The following SLC35F4 variants were observed in gnomAD, a reference collection of about 807,000 sequenced individuals.
SLC35F4 encodes solute carrier family 35 member F4.
Under a neutral mutation model 44.2 loss-of-function variants are expected in SLC35F4, and 24 were observed. That is an observed-to-expected ratio of 0.54 (90% confidence interval 0.39 to 0.76). The LOEUF is 0.76. Ranked by LOEUF, SLC35F4 falls within the 30% of genes least tolerant of loss-of-function variation. SLC35F4 has a pLI of 0.00. For synonymous variants in SLC35F4, 238 were observed against 223.6 expected, an observed-to-expected ratio of 1.06 and a Z score of -0.57; for missense variants, 562 against 586.1, an observed-to-expected ratio of 0.96 and a Z score of 0.42.
chr14:57,957,756 G>C (rs1363983815), intron 1 of SLC35F4, among the ~76,000 whole-genome samples: 1 of 152,122 alleles, frequency 6.6e-6, no homozygotes, highest in Non-Finnish European at 1.5e-5. Context: ...TACCAATTCT[G>C]GCACCCATTA....
chr14:57,752,191 G>T (rs141529599), intron 1 of SLC35F4, among the ~76,000 whole-genome samples: 8 of 152,148 alleles, frequency 5.3e-5, no homozygotes, highest in Non-Finnish European at 1.0e-4. Flanking sequence ...GTTTCTAAGA[G>T]AATTTCTTAC....
intron 1 of SLC35F4, among the ~76,000 whole-genome samples, chr14:57,844,945 C>A (rs545487858): frequency 6.6e-6 from 1 of 152,148 alleles, no homozygotes; most frequent in South Asian, 2.1e-4. Flanking sequence ...TCCCCCACCC[C>A]CCCATGCACA....
chr14:57,564,077 G>A lies in SLC35F4; in HGVS notation c.*58C>T, dbSNP rs558467070. 1.9e-5 allele frequency: 30 copies of A among 1,591,198 alleles called. No individual in the cohort carries two copies. Among genetic ancestry groups the A allele is most frequent in the Non-Finnish European group, 2.2e-5 (26 of 1,165,824 alleles). ...TGTCGTTTGAGTGTACAGGTAGTGA[G>A]AAAATTTTGTTATATTCACAGAATA... On this transcript the variant is annotated 3_prime_UTR_variant, in exon 8 of 8. Transcript: ENST00000556826.
At chr14:57,584,497 C>G (rs965953694) in intron 3 of SLC35F4, among the ~76,000 whole-genome samples, 1 of 152,050 alleles carries the variant, frequency 6.6e-6, no homozygotes, top group African/African-American at 2.4e-5. Flanking sequence ...AAAAAAAGAT[C>G]GAGAATCTAA....
chr14:57,862,587 T>C (rs766706304), intron 1 of SLC35F4, among the ~76,000 whole-genome samples: 6 of 152,224 alleles, frequency 3.9e-5, no homozygotes, highest in Non-Finnish European at 5.9e-5. Flanking sequence ...TCCAGCATGC[T>C]AGTTGTACTC....
chr14:57,595,787 C>A (rs1040037475), intron 1 of SLC35F4: 3 of 152,170 alleles, frequency 2.0e-5, no homozygotes, highest in Non-Finnish European at 4.4e-5. Context: ...CTTTCTGGCA[C>A]TGCAAGATGC....
chr14:57,781,806 C>T (rs987269592), intron 1 of SLC35F4, among the ~76,000 whole-genome samples: 1 of 152,100 alleles, frequency 6.6e-6, no homozygotes, highest in African/African-American at 2.4e-5. Context: ...CAAACTGATG[C>T]AGGAACAGAA....
chr14:57,883,984 T>C (rs1270425567), intron 1 of SLC35F4, among the ~76,000 whole-genome samples: 29 of 152,290 alleles, frequency 1.9e-4, no homozygotes, highest in Non-Finnish European at 7.4e-5. Flanking sequence ...AAAGGAAACG[T>C]TTCCAGCTAA....
At chr14:57,599,816 A>C (rs2070709255) in intron 1 of SLC35F4, among the ~76,000 whole-genome samples, 1 of 151,608 alleles carries the variant, frequency 6.6e-6, no homozygotes, top group African/African-American at 2.4e-5. Flanking sequence ...AAAAAAAAAA[A>C]AAACAACACC....
chr14:57,720,709 G>C (rs1238542764), intron 1 of SLC35F4, among the ~76,000 whole-genome samples: 1 of 152,002 alleles, frequency 6.6e-6, no homozygotes, highest in Non-Finnish European at 1.5e-5. Flanking sequence ...GAGTCAGTAG[G>C]CTGGGAAAGA....
At chr14:57,812,977 G>A (rs1233823750) in intron 1 of SLC35F4, among the ~76,000 whole-genome samples, 1 of 152,218 alleles carries the variant, frequency 6.6e-6, no homozygotes, top group Non-Finnish European at 1.5e-5. Flanking sequence ...TGTGCCAGAA[G>A]CTGTTCTAAA....
At position 57,721,896 on chromosome 14, in the gene SLC35F4, CT is replaced by C. The variant is rs959098952; in HGVS notation, c.104-127773del. Among the ~76,000 whole-genome samples the C allele has an allele frequency of 2.0e-4, 30 of 152,238 alleles. No individual in the cohort carries two copies. The Middle Eastern group carries it at 0.02, about 104-fold the overall frequency. On this transcript the variant is annotated intron_variant, in intron 1 of 7. Transcript: ENST00000556826. Reference sequence around the variant, plus strand: ...CCTGAGGCAACAGTGATGGCCCCCCCTGAGGCAGTTGCCAGGCAAGATAATG... The same window carrying C: ...CCTGAGGCAACAGTGATGGCCCCCCCGAGGCAGTTGCCAGGCAAGATAATG...
In SLC35F4 at chr14:57,688,387, T is replaced by C. The variant is rs564465197; in HGVS notation, c.104-94263A>G. On this transcript the variant is annotated intron_variant, in intron 1 of 7. Coordinates refer to ENST00000556826, the MANE Select transcript of SLC35F4 (RefSeq NM_001306087.2). The stretch of plus-strand genomic sequence containing the variant: ...ACCTTGGAAAAACAACTCAAATTGT[T>C]GCATGGCAGAATGGATGTTATCTTT... Among the ~76,000 whole-genome samples the C allele has an allele frequency of 2.0e-5, 3 of 152,338 alleles. No individual in the cohort carries two copies. In the East Asian group the frequency reaches 5.8e-4, roughly 29 times the overall value.
intron 1 of SLC35F4, among the ~76,000 whole-genome samples, chr14:57,914,769 G>C (rs957124318): frequency 3.3e-5 from 5 of 152,176 alleles, no homozygotes; most frequent in Non-Finnish European, 7.3e-5. Context: ...TTAGGGGTTA[G>C]GCCCTCAAGG....
intron 1 of SLC35F4, among the ~76,000 whole-genome samples, chr14:57,939,010 CT>C: frequency 6.6e-6 from 1 of 151,984 alleles, no homozygotes; most frequent in Middle Eastern, 3.4e-3. Flanking sequence ...AATTTCTTTC[CT>C]CCCCTGGAGG....
At chr14:57,830,705 A>T (rs1884277149) in intron 1 of SLC35F4, among the ~76,000 whole-genome samples, 1 of 152,172 alleles carries the variant, frequency 6.6e-6, no homozygotes, top group Non-Finnish European at 1.5e-5. Flanking sequence ...TATATGCCTG[A>T]TATATTCTGT....
intron 1 of SLC35F4, among the ~76,000 whole-genome samples, chr14:57,642,421 G>A (rs1454091760): frequency 6.6e-6 from 1 of 151,856 alleles, no homozygotes; most frequent in Non-Finnish European, 1.5e-5. Context: ...GATTATCCTA[G>A]TAATGGCAAA....
At chr14:57,848,798 A>G (rs1288345110) in intron 1 of SLC35F4, among the ~76,000 whole-genome samples, 2 of 152,150 alleles carry the variant, frequency 1.3e-5, no homozygotes, top group Non-Finnish European at 2.9e-5. Flanking sequence ...GTTATAAATG[A>G]TTGGCATTTT....
downstream of SLC35F4, among the ~76,000 whole-genome samples, chr14:57,971,961 T>C (rs755924874): frequency 1.3e-5 from 2 of 152,250 alleles, no homozygotes; most frequent in Non-Finnish European, 2.9e-5. Context: ...GAGTCTATTT[T>C]AACTCAGTTG....
Sources: gnomAD v4.1 joint callset for allele counts (sites outside exome capture counted in the v4.1 genomes callset) on GRCh38, gnomAD v4.1.1 for gene constraint, MANE v1.5 for transcripts, NCBI Gene and HGNC (gene_info 2026-07-23, HGNC 2026-07-21) for gene names.